Variants in LRFN2 observed in about 807,000 individuals in gnomAD.
LRFN2 encodes leucine-rich repeat and fibronectin type-III domain-containing protein 2.
In LRFN2, 18 loss-of-function variants were observed where a neutral mutation model predicts 37.3. The ratio of observed to expected loss-of-function variants is 0.48; its 90% CI spans 0.33 to 0.72. The LOEUF (loss-of-function observed/expected upper bound fraction) is 0.72. Ranked by LOEUF, LRFN2 falls within the 30% of genes least tolerant of loss-of-function variation. The probability of loss-of-function intolerance (pLI) is 0.02; values close to 1 mark genes in which losing one functional copy is unlikely to be tolerated. For synonymous variants in LRFN2, 556 were observed against 466.6 expected (o/e 1.19, Z -2.47); for missense variants, 1,006 against 1,060.7 (o/e 0.95, Z 0.72).
In LRFN2 at chr6:40,524,224, C is replaced by T. The variant is rs574158653; in HGVS notation, c.-19+62717G>A. On this transcript the variant is annotated intron_variant, in intron 1 of 2. Transcript: ENST00000338305. ...CTAACCTACCAAAACAAAACACATG[C>T]AGATTTTAAAATGTAGAAAAATCCC... is the stretch of plus-strand genomic sequence containing the variant. Among the ~76,000 whole-genome samples, 5 of 152,288 alleles carry T rather than the reference C, an allele frequency of 3.3e-5. No homozygotes were observed. In the South Asian group the frequency reaches 8.3e-4, roughly 25 times the overall value.
intron 2 of LRFN2, among the ~76,000 whole-genome samples, chr6:40,401,421 G>A (rs1762739203): frequency 6.6e-6 from 1 of 152,158 alleles, no homozygotes; most frequent in African/African-American, 2.4e-5. Context: ...CCCTTGGGCA[G>A]GATGACAAGG....
At chr6:40,514,630 C>G (rs1019591460) in intron 1 of LRFN2, among the ~76,000 whole-genome samples, 1 of 152,128 alleles carries the variant, frequency 6.6e-6, no homozygotes, top group Non-Finnish European at 1.5e-5. Flanking sequence ...TTACATGTGA[C>G]TAGGTAAATC....
At chr6:40,439,889 A>G (rs1162729375) in intron 1 of LRFN2, among the ~76,000 whole-genome samples, 1 of 152,098 alleles carries the variant, frequency 6.6e-6, no homozygotes, top group African/African-American at 2.4e-5. Flanking sequence ...TTGGAGTCAC[A>G]GTTTCTAATT....
chr6:40,468,320 C>T (rs1038442561), intron 1 of LRFN2, among the ~76,000 whole-genome samples: 2 of 152,156 alleles, frequency 1.3e-5, no homozygotes, highest in African/African-American at 4.8e-5. Context: ...CAGAACTTGC[C>T]TTGACCATCT....
chr6:40,405,806 C>T (rs1446824963), intron 2 of LRFN2, among the ~76,000 whole-genome samples: 1 of 152,160 alleles, frequency 6.6e-6, no homozygotes, highest in African/African-American at 2.4e-5. Flanking sequence ...GCAGAGATGA[C>T]AGGAAATTAG....
intron 1 of LRFN2, among the ~76,000 whole-genome samples, chr6:40,555,467 T>G (rs1045722230): frequency 6.6e-6 from 1 of 152,162 alleles, no homozygotes; most frequent in Non-Finnish European, 1.5e-5. Flanking sequence ...AAGTGGCAGC[T>G]ACGGATGGGC....
At chr6:40,547,643 T>C (rs1766691328) in intron 1 of LRFN2, among the ~76,000 whole-genome samples, 1 of 151,542 alleles carries the variant, frequency 6.6e-6, no homozygotes, top group Non-Finnish European at 1.5e-5. Flanking sequence ...ATAGGGGAGG[T>C]CAACTGGGAA....
chr6:40,417,291 C>G (rs1027477996), intron 2 of LRFN2, among the ~76,000 whole-genome samples: 1 of 152,170 alleles, frequency 6.6e-6, no homozygotes, highest in Non-Finnish European at 1.5e-5. Flanking sequence ...ATCTCAGCTT[C>G]CAAGATCCTG....
chr6:40,544,193 A>C (rs1766609290), intron 1 of LRFN2, among the ~76,000 whole-genome samples: 1 of 152,234 alleles, frequency 6.6e-6, no homozygotes, highest in African/African-American at 2.4e-5. Context: ...CCTGGCTCTG[A>C]GCTCAAACCC....
intron 1 of LRFN2, among the ~76,000 whole-genome samples, chr6:40,534,085 G>T (rs550585789): frequency 1.3e-5 from 2 of 152,212 alleles, no homozygotes; most frequent in South Asian, 4.1e-4. Context: ...TGCCCACAGG[G>T]ACACAGCTGG....
At chr6:40,462,817 G>A (rs1221258320) in intron 1 of LRFN2, among the ~76,000 whole-genome samples, 1 of 152,208 alleles carries the variant, frequency 6.6e-6, no homozygotes, top group Non-Finnish European at 1.5e-5. Context: ...CATGTCCACT[G>A]TTACCTTATA....
intron 2 of LRFN2, among the ~76,000 whole-genome samples, chr6:40,410,990 C>T (rs1383951551): frequency 1.3e-5 from 2 of 152,260 alleles, no homozygotes; most frequent in Non-Finnish European, 2.9e-5. Flanking sequence ...GAACACAGAA[C>T]AGAGCCATTA....
Position 40,526,558 on chromosome 6 carries a change from T to C in LRFN2, c.-19+60383A>G, listed in dbSNP as rs187800219. 1.3e-4 allele frequency among the ~76,000 whole-genome samples: 20 copies of C among 152,062 alleles called. No individual in the cohort carries two copies. In the East Asian group the frequency reaches 3.1e-3, roughly 24 times the overall value. ...CTCCCCTGCCCTGGAGCTCTGGGGG[T>C]TCCACCATGGCAGCATTCTCCATAT... On this transcript the variant is annotated intron_variant, in intron 1 of 2. Transcript: ENST00000338305.
chr6:40,431,961 T>G lies in LRFN2; in HGVS notation c.1153A>C (p.Ser385Arg). The G allele has an allele frequency of 6.2e-7, 1 of 1,613,628 alleles. No homozygotes were observed. Among genetic ancestry groups the G allele is most frequent in the Non-Finnish European group, 8.5e-7 (1 of 1,180,024 alleles). ...SIVQLPHLSN[S>R]TSRTAPPKSR... The stretch of plus-strand genomic sequence containing the variant: ...TTGGGGGGTGCAGTGCGGCTGGTGC[T>G]GTTGCTGAGGTGTGGCAGCTGGACG... The change falls in exon 2 of 3, where the codon AGC becomes CGC. Residue 385 changes from serine to arginine, a missense_variant. Coordinates refer to ENST00000338305, the MANE Select transcript of LRFN2 (RefSeq NM_020737.3).
intron 1 of LRFN2, among the ~76,000 whole-genome samples, chr6:40,453,348 G>A (rs1764157981): frequency 1.3e-5 from 2 of 152,004 alleles, no homozygotes; most frequent in Non-Finnish European, 2.9e-5. Context: ...CAATGTGGGG[G>A]ATAGATGAAT....
chr6:40,404,206 T>A (rs1317454710), intron 2 of LRFN2, among the ~76,000 whole-genome samples: 1 of 152,246 alleles, frequency 6.6e-6, no homozygotes, highest in Non-Finnish European at 1.5e-5. Flanking sequence ...TGATTTATTA[T>A]GATTACTGTT....
chr6:40,434,957 G>A (rs561730427), intron 1 of LRFN2, among the ~76,000 whole-genome samples: 25 of 139,568 alleles, frequency 1.8e-4, no homozygotes, highest in African/African-American at 6.6e-4. Context: ...GTTTAAGTTT[G>A]CATTACTCCT....
intron 1 of LRFN2, among the ~76,000 whole-genome samples, chr6:40,446,847 C>G (rs1322466049): frequency 6.6e-6 from 1 of 152,028 alleles, no homozygotes; most frequent in African/African-American, 2.4e-5. Flanking sequence ...CAGACTGGGG[C>G]TCCCTGATGA....
chr6:40,527,116 T>G (rs7356878), intron 1 of LRFN2, among the ~76,000 whole-genome samples: 72,138 of 152,072 alleles, frequency 0.47, 17,306 homozygotes, highest in South Asian at 0.58. Context: ...AGAAATTCCT[T>G]TGGAAGAGTG....
Sources: gnomAD v4.1 joint callset for allele counts (sites outside exome capture counted in the v4.1 genomes callset) on GRCh38, gnomAD v4.1.1 for gene constraint, MANE v1.5 for transcripts, NCBI Gene and HGNC (gene_info 2026-07-23, HGNC 2026-07-21) for gene names.